The following CRYL1 variants were observed in gnomAD, a reference collection of about 807,000 sequenced individuals.
CRYL1 encodes the protein lambda-crystallin homolog.
A neutral mutation model predicts 36.6 loss-of-function variants in CRYL1; 29 were observed. That is an observed-to-expected ratio of 0.79 (90% CI 0.59 to 1.08). The LOEUF (loss-of-function observed/expected upper bound fraction) is 1.08, where lower values mean the gene tolerates loss of function less well. Ranked by LOEUF, CRYL1 falls within the 50% of genes least tolerant of loss-of-function variation. CRYL1 has a pLI of 0.00. For synonymous variants in CRYL1, 152 were observed against 151.5 expected, an observed-to-expected ratio of 1.00 and a Z score of -0.02; for missense variants, 411 against 407.9, an observed-to-expected ratio of 1.01 and a Z score of -0.06.
intron 3 of CRYL1, among the ~76,000 whole-genome samples, chr13:20,464,237 T>G (rs2032888129): frequency 1.3e-5 from 2 of 152,048 alleles, no homozygotes; most frequent in South Asian, 4.1e-4. Context: ...CTACTAAAAA[T>G]ACAAAAATTA....
intron 3 of CRYL1, among the ~76,000 whole-genome samples, chr13:20,488,173 G>C (rs1255199511): frequency 6.6e-6 from 1 of 152,068 alleles, no homozygotes; most frequent in Non-Finnish European, 1.5e-5. Context: ...GAGAGCATCT[G>C]TGCTCTTCAG....
intron 1 of CRYL1, among the ~76,000 whole-genome samples, chr13:20,521,574 G>A (rs1219806338): frequency 3.3e-5 from 5 of 152,084 alleles, no homozygotes; most frequent in South Asian, 2.1e-4. Context: ...GGGAGCCAGC[G>A]ATAGAGGTAA....
At chr13:20,431,833 C>G in intron 5 of CRYL1, 1 of 1,392,596 alleles carries the variant, frequency 7.2e-7, no homozygotes, top group Non-Finnish European at 9.4e-7. Context: ...TATGAAAGGG[C>G]AGGAAGGAGA....
intron 3 of CRYL1, among the ~76,000 whole-genome samples, chr13:20,487,629 C>G (rs531715753): frequency 6.6e-6 from 1 of 152,072 alleles, no homozygotes; most frequent in East Asian, 1.9e-4. Flanking sequence ...AAACTAAACT[C>G]ACGGCTGGGA....
At chr13:20,483,442 T>C (rs1269458171) in intron 3 of CRYL1, among the ~76,000 whole-genome samples, 2 of 151,864 alleles carry the variant, frequency 1.3e-5, no homozygotes, top group Non-Finnish European at 2.9e-5. Flanking sequence ...CCATCTGGAC[T>C]GACCATATCA....
chr13:20,509,813 C>T (rs1005637514), intron 2 of CRYL1, among the ~76,000 whole-genome samples: 2 of 152,118 alleles, frequency 1.3e-5, no homozygotes, highest in African/African-American at 4.8e-5. Flanking sequence ...GCCTGTAATC[C>T]CAGCTACTCG....
rs963697478 is a variant in CRYL1 at position 20,425,233 on chromosome 13, A to C, written c.633+6869T>G. ...GCTCCGCACAGGCTTCCTCTTGTCAAGCTCTGCTGCTTCCAGCCACAAGAC... is the reference window on the plus strand; with the variant it reads ...GCTCCGCACAGGCTTCCTCTTGTCACGCTCTGCTGCTTCCAGCCACAAGAC... On this transcript the variant is annotated intron_variant, in intron 5 of 7. Transcript: ENST00000298248. The surrounding 1 kb of genome is among the most constrained non-coding windows in gnomAD (Gnocchi z 4.4). Among the ~76,000 whole-genome samples, 2 of 152,162 alleles carry C rather than the reference A, an allele frequency of 1.3e-5. No individual in the cohort carries two copies. Among genetic ancestry groups the C allele is most frequent in the African/African-American group, 4.8e-5 (2 of 41,436 alleles).
At chr13:20,431,014 C>T (rs2032046148) in intron 5 of CRYL1, 1 of 985,286 alleles carries the variant, frequency 1.0e-6, no homozygotes, top group South Asian at 4.7e-5. Flanking sequence ...ATTTAGACAT[C>T]AAGACACAGA....
intron 5 of CRYL1, among the ~76,000 whole-genome samples, chr13:20,416,222 C>T (rs924237133): frequency 1.3e-5 from 2 of 152,244 alleles, no homozygotes; most frequent in African/African-American, 4.8e-5. Context: ...ACCACATGTT[C>T]ACTGACTGCT....
intron 3 of CRYL1, among the ~76,000 whole-genome samples, chr13:20,443,196 T>G (rs994719868): frequency 6.6e-6 from 1 of 152,194 alleles, no homozygotes; most frequent in African/African-American, 2.4e-5. Flanking sequence ...TGTGGAAAAC[T>G]GGCACAGCCC....
chr13:20,478,082 A>ATTTT (rs2033202194), intron 3 of CRYL1, among the ~76,000 whole-genome samples: 1 of 151,332 alleles, frequency 6.6e-6, no homozygotes, highest in African/African-American at 2.4e-5. Flanking sequence ...CATTGCTAAC[A>ATTTT]GCAGAAAGTA....
Position 20,454,626 on chromosome 13 carries a change from C to T in CRYL1, c.277-14872G>A, listed in dbSNP as rs369121908. On this transcript the variant is annotated intron_variant, in intron 3 of 7. Transcript: ENST00000298248. ...AGTAGAGACGGGGTTTCACCGTGTTCGCCAGGATGGCCTCCATCTCCTGAC... is the reference window on the plus strand; with the variant it reads ...AGTAGAGACGGGGTTTCACCGTGTTTGCCAGGATGGCCTCCATCTCCTGAC... 3.3e-4 allele frequency among the ~76,000 whole-genome samples: 50 copies of T among 152,068 alleles called. No homozygotes were observed. In the South Asian group the frequency reaches 9.3e-3, roughly 28 times the overall value.
chr13:20,490,423 G>T (rs2033487396), intron 2 of CRYL1, among the ~76,000 whole-genome samples: 1 of 152,050 alleles, frequency 6.6e-6, no homozygotes, highest in African/African-American at 2.4e-5. Flanking sequence ...GAACTAGAAT[G>T]TTGGTAGCTG....
At chr13:20,461,513 C>T (rs1362129427) in intron 3 of CRYL1, among the ~76,000 whole-genome samples, 1 of 152,156 alleles carries the variant, frequency 6.6e-6, no homozygotes, top group East Asian at 1.9e-4. Context: ...AAAGACCTGG[C>T]AGCTCTGGAT....
At chr13:20,497,631 A>G (rs940509033) in intron 2 of CRYL1, among the ~76,000 whole-genome samples, 5 of 150,982 alleles carry the variant, frequency 3.3e-5, no homozygotes, top group African/African-American at 1.2e-4. Context: ...CCACATACAC[A>G]CAACTACACC....
intron 6 of CRYL1, among the ~76,000 whole-genome samples, chr13:20,413,028 A>C: frequency 6.6e-6 from 1 of 151,726 alleles, no homozygotes; most frequent in East Asian, 1.9e-4. Flanking sequence ...GACATCACCA[A>C]CCTCTCTTCC....
At chr13:20,474,112 CCA>C (rs1274114019) in intron 3 of CRYL1, among the ~76,000 whole-genome samples, 1 of 152,190 alleles carries the variant, frequency 6.6e-6, no homozygotes, top group Non-Finnish European at 1.5e-5. Context: ...GTCCTGAATT[CCA>C]CAGAGAGCAG....
chr13:20,465,765 C>T (rs1488415211), intron 3 of CRYL1, among the ~76,000 whole-genome samples: 2 of 152,136 alleles, frequency 1.3e-5, no homozygotes, highest in South Asian at 2.1e-4. Flanking sequence ...TGACATGCTC[C>T]TAATGTTTGG....
intron 5 of CRYL1, among the ~76,000 whole-genome samples, chr13:20,423,624 T>G (rs61255310): frequency 0.014 from 2,137 of 152,174 alleles, 52 homozygotes; most frequent in African/African-American, 0.047. Context: ...GATTATGTTA[T>G]TAAATATAGG....
Sources: allele counts gnomAD v4.1 joint callset (sites outside exome capture counted in the v4.1 genomes callset), GRCh38; gene constraint gnomAD v4.1.1; non-coding constraint Gnocchi (gnomAD v3.1); transcripts MANE v1.5; gene names NCBI Gene and HGNC (gene_info 2026-07-23, HGNC 2026-07-21).